SPAG16: variants seen among roughly 807,000 people sequenced by gnomAD.
SPAG16 encodes sperm-associated antigen 16 protein.
A neutral mutation model predicts 80.4 loss-of-function variants in SPAG16; 86 were observed. The ratio of observed to expected loss-of-function variants is 1.07; its 90% CI spans 0.90 to 1.28. SPAG16 has a LOEUF of 1.28. SPAG16 is among the 50% of genes most tolerant of loss of function. The probability of loss-of-function intolerance (pLI) is 0.00; values close to 1 mark genes in which losing one functional copy is unlikely to be tolerated. For missense variants in SPAG16, 870 were observed against 765.3 expected, an observed-to-expected ratio of 1.14 and a Z score of -1.61; for synonymous variants, 294 against 265.9, an observed-to-expected ratio of 1.11 and a Z score of -1.03.
chr2:213,446,828 C>G (rs1323234598), intron 9 of SPAG16, among the ~76,000 whole-genome samples: 1 of 152,140 alleles, frequency 6.6e-6, no homozygotes, highest in African/African-American at 2.4e-5. Flanking sequence ...TATAAATACC[C>G]TCTGTGCCTC....
At chr2:213,753,593 C>T (rs2068183765) in intron 10 of SPAG16, among the ~76,000 whole-genome samples, 1 of 152,142 alleles carries the variant, frequency 6.6e-6, no homozygotes, top group Non-Finnish European at 1.5e-5. Flanking sequence ...CCAGTAGCTA[C>T]AGGTAGGGAA....
At chr2:214,064,366 T>C (rs1312680573) in intron 13 of SPAG16, among the ~76,000 whole-genome samples, 1 of 152,106 alleles carries the variant, frequency 6.6e-6, no homozygotes, top group African/African-American at 2.4e-5. Flanking sequence ...ACTGGTAATG[T>C]CATAAAATAT....
At chr2:214,179,285 A>AT (rs896398608) in intron 15 of SPAG16, among the ~76,000 whole-genome samples, 28 of 149,344 alleles carry the variant, frequency 1.9e-4, no homozygotes, top group Non-Finnish European at 2.4e-4. Context: ...AGTTGGTATA[A>AT]TTTTTTTTTT....
chr2:213,616,507 T>C (rs1296793735), intron 10 of SPAG16, among the ~76,000 whole-genome samples: 2 of 152,148 alleles, frequency 1.3e-5, no homozygotes, highest in Non-Finnish European at 1.5e-5. Context: ...ACCCTGAGCA[T>C]TGGATAGCAG....
At chr2:213,797,610 T>C (rs972696205) in intron 10 of SPAG16, among the ~76,000 whole-genome samples, 1 of 152,226 alleles carries the variant, frequency 6.6e-6, no homozygotes, top group African/African-American at 2.4e-5. Flanking sequence ...GTAAGTACAC[T>C]CTATTGATAT....
chr2:214,158,760 G>T (rs904937624), intron 15 of SPAG16, among the ~76,000 whole-genome samples: 2 of 151,838 alleles, frequency 1.3e-5, no homozygotes, highest in South Asian at 2.1e-4. Context: ...TAATTGGAAC[G>T]CTATAGGTAT....
intron 15 of SPAG16, among the ~76,000 whole-genome samples, chr2:214,400,463 T>C (rs1701644116): frequency 6.6e-6 from 1 of 151,994 alleles, no homozygotes; most frequent in Admixed American, 6.6e-5. Flanking sequence ...GTATTATAAA[T>C]AATCCAGAAA....
In SPAG16 at chr2:214,112,594, T is replaced by C. The variant is rs185045855; in HGVS notation, c.1593+4333T>C. Among the ~76,000 whole-genome samples the C allele has an allele frequency of 9.2e-3, 1,397 of 151,876 alleles. 24 individuals carry two copies. The highest frequency in any genetic ancestry group is 0.032 in the African/African-American group (1,308 of 41,408). The stretch of plus-strand genomic sequence containing the variant: ...CTTCTTTGTCTCTTTTGATCTTTGT[T>C]GGTTTAAAGTCTGTTTTATCAAGAG... On this transcript the variant is annotated intron_variant, in intron 14 of 15. Transcript: ENST00000331683.
At chr2:213,773,812 A>G (rs2069406226) in intron 10 of SPAG16, among the ~76,000 whole-genome samples, 1 of 152,012 alleles carries the variant, frequency 6.6e-6, no homozygotes, top group Non-Finnish European at 1.5e-5. Context: ...TCAGCCTCCC[A>G]AAGTGCTGGG....
At position 214,333,712 on chromosome 2, in the gene SPAG16, G is replaced by A. The variant is rs973545954; in HGVS notation, c.1721-76428G>A. Among the ~76,000 whole-genome samples the A allele has an allele frequency of 7.9e-5, 12 of 152,308 alleles. 1 individual carries two copies. The highest frequency in any genetic ancestry group is 6.8e-3 in the Middle Eastern group (2 of 294). Reference sequence around the variant, plus strand: ...GCCATCCCCACACTGAGACTTGGAGGTCAGACTGGGTATTGGAGCTCCAGA... The same window carrying A: ...GCCATCCCCACACTGAGACTTGGAGATCAGACTGGGTATTGGAGCTCCAGA... On this transcript the variant is annotated intron_variant, in intron 15 of 15. Transcript: ENST00000331683.
chr2:213,955,350 G>T (rs1198947303), intron 12 of SPAG16, among the ~76,000 whole-genome samples: 1 of 151,852 alleles, frequency 6.6e-6, no homozygotes, highest in Non-Finnish European at 1.5e-5. Context: ...AGTTAATTTT[G>T]GTCTATGTTA....
At chr2:213,317,419 G>A (rs1575174407) in intron 5 of SPAG16, 63 bp downstream of exon 5, 1 of 1,529,600 alleles carries the variant, frequency 6.5e-7, no homozygotes, top group Non-Finnish European at 8.8e-7. Flanking sequence ...AGAGTTGAGT[G>A]AAGCTGATAT....
chr2:214,256,987 A>G (rs895940789), intron 15 of SPAG16, among the ~76,000 whole-genome samples: 2 of 151,922 alleles, frequency 1.3e-5, no homozygotes, highest in Non-Finnish European at 2.9e-5. Flanking sequence ...TGTGGAATGT[A>G]TAGATTAATT....
At chr2:214,101,386 T>A (rs1267652056) in intron 13 of SPAG16, among the ~76,000 whole-genome samples, 1 of 152,074 alleles carries the variant, frequency 6.6e-6, no homozygotes, top group African/African-American at 2.4e-5. Flanking sequence ...GGGATCCAGG[T>A]GGATCTCTCA....
chr2:214,057,196 T>C (rs1433583226), intron 13 of SPAG16, among the ~76,000 whole-genome samples: 1 of 112,936 alleles, frequency 8.9e-6, no homozygotes, highest in South Asian at 2.8e-4. Flanking sequence ...TTTTTTTTTT[T>C]ACCTTTTCAA....
intron 12 of SPAG16, among the ~76,000 whole-genome samples, chr2:213,930,483 C>T (rs988671202): frequency 1.3e-5 from 2 of 152,180 alleles, no homozygotes; most frequent in African/African-American, 4.8e-5. Context: ...CCGCTTTCCA[C>T]AGGCTTGTTA....
At chr2:214,173,517 G>T (rs1194407487) in intron 15 of SPAG16, among the ~76,000 whole-genome samples, 1 of 151,820 alleles carries the variant, frequency 6.6e-6, no homozygotes, top group Non-Finnish European at 1.5e-5. Context: ...AGTATAGTAT[G>T]AAGTCAGGAA....
intron 15 of SPAG16, among the ~76,000 whole-genome samples, chr2:214,286,367 T>G (rs905674601): frequency 6.6e-6 from 1 of 152,130 alleles, no homozygotes; most frequent in Non-Finnish European, 1.5e-5. Context: ...CCCAAAAAGT[T>G]TATATGAATG....
intron 10 of SPAG16, among the ~76,000 whole-genome samples, chr2:213,703,278 G>C (rs1339614187): frequency 1.3e-5 from 2 of 152,150 alleles, no homozygotes; most frequent in South Asian, 4.1e-4. Context: ...ACTGATACAG[G>C]TTTGCTCAAA....
Sources: gnomAD v4.1 joint callset for allele counts (sites outside exome capture counted in the v4.1 genomes callset) on GRCh38, gnomAD v4.1.1 for gene constraint, MANE v1.5 for transcripts, NCBI Gene and HGNC (gene_info 2026-07-23, HGNC 2026-07-21) for gene names.